DISP2: variants seen among roughly 807,000 people sequenced by gnomAD.
DISP2 encodes protein dispatched homolog 2.
Under a neutral mutation model 95.5 loss-of-function variants are expected in DISP2, and 59 were observed. The observed-to-expected ratio is 0.62, with a 90% CI of 0.50 to 0.77. The LOEUF (loss-of-function observed/expected upper bound fraction) is 0.77. Among genes scored for constraint, DISP2 ranks in the 30% least tolerant of loss-of-function variants. DISP2 has a pLI of 0.00. For synonymous variants in DISP2, 827 were observed against 815.0 expected (o/e 1.01, Z -0.25); for missense variants, 1,752 against 1,854.6 (o/e 0.94, Z 1.02).
At chr15:40,361,612 G>T (rs1415544489) in intron 1 of DISP2, among the ~76,000 whole-genome samples, 1 of 152,216 alleles carries the variant, frequency 6.6e-6, no homozygotes, top group Non-Finnish European at 1.5e-5. Context: ...TTCACCCTCA[G>T]CATGAAGGTC....
At position 40,377,152 on chromosome 15, in the gene DISP2, A is replaced by T. The variant is rs1410906759; in HGVS notation, c.*6834A>T. ...ATCCTGGCTAACATGGTGAAACCTC[A>T]TCTCTACTAAAAATACAAAAAAATA... On this transcript the variant is annotated 3_prime_UTR_variant, in exon 8 of 8. Coordinates refer to ENST00000267889, the MANE Select transcript of DISP2 (RefSeq NM_033510.3). 6.6e-6 allele frequency: 1 copy of T among 152,048 alleles called. No homozygotes were observed. The highest frequency in any genetic ancestry group is 1.5e-5 in the Non-Finnish European group (1 of 68,064). The allele number at this position is 152,048 out of a possible 1,614,324, so 9.4% of individuals were successfully genotyped here.
intron 7 of DISP2, 118 bp from the exon 8 acceptor site, chr15:40,366,940 A>G: frequency 5.2e-6 from 7 of 1,343,836 alleles, no homozygotes; most frequent in Non-Finnish European, 7.0e-6. Context: ...GGCTGTCAAG[A>G]TCCCTCTCTG....
intron 3 of DISP2, 39 bp from the exon 4 acceptor site, chr15:40,364,382 A>G (rs376884591): frequency 1.2e-6 from 2 of 1,613,418 alleles, no homozygotes; most frequent in Non-Finnish European, 1.7e-6. Flanking sequence ...ACCCGTTGCT[A>G]CCACACCCAA....
chr15:40,363,445 G>A (rs1013909539), intron 1 of DISP2, among the ~76,000 whole-genome samples, 180 bp from the exon 2 acceptor site: 2 of 152,178 alleles, frequency 1.3e-5, no homozygotes, highest in African/African-American at 4.8e-5. Flanking sequence ...CCATGAGGTA[G>A]GCTGAGGGCG....
rs1889341581 is a variant in DISP2, at chr15:40,358,244, T to TGCCGCCGCTGCCGCCGCCACC, written c.-70_-69insTGCCGCCGCCACCGCCGCCGC. ...ATGCGCACGAGCACCCCGCCGCCGCTGCCGCCGCCACCGCCGCCGCCGCCG... is the reference window on the plus strand; with the variant it reads ...ATGCGCACGAGCACCCCGCCGCCGCTGCCGCCGCTGCCGCCGCCACCGCCGCCGCCACCGCCGCCGCCGCCG... On this transcript the variant is annotated 5_prime_UTR_variant, in exon 1 of 8. Transcript: ENST00000267889. 2 of 764,076 alleles carry TGCCGCCGCTGCCGCCGCCACC rather than the reference T, an allele frequency of 2.6e-6. No homozygotes were observed. The highest frequency in any genetic ancestry group is 5.4e-5 in the South Asian group (1 of 18,610). The allele number at this position is 764,076 out of a possible 1,614,324, so 47.3% of individuals were successfully genotyped here. A position where few individuals can be genotyped will look rare whatever the true frequency, so the allele number is the denominator to read the frequency against.
At position 40,370,058 on chromosome 15, in the gene DISP2, T is replaced by C; in HGVS notation, c.3946T>C (p.Ser1316Pro). The C allele has an allele frequency of 1.2e-6, 2 of 1,613,988 alleles. No homozygotes were observed. The highest frequency in any genetic ancestry group is 1.7e-6 in the Non-Finnish European group (2 of 1,179,956). ...SARVPDSVGV[S>P]PDDLDDTGQP... is the part of the protein sequence containing the mutation. ...CCGTGTACCAGATTCCGTGGGTGTG[T>C]CCCCAGATGACCTGGATGACACTGG... Residue 1316 changes from serine (S) to proline (P), a missense_variant, in exon 8 of 8, where the codon TCC becomes CCC. Physicochemically the swap from Ser to Pro is moderately conservative, Grantham distance 74. This residue lies in a region of DISP2 where 347 missense variants were observed against 344.2 expected (regional missense o/e 1.01). Coordinates refer to ENST00000267889, the MANE Select transcript of DISP2 (RefSeq NM_033510.3).
At position 40,364,968 on chromosome 15, in the gene DISP2, T is replaced by A. The variant is rs777486372; in HGVS notation, c.719+15T>A. 6.2e-7 allele frequency: 1 copy of A among 1,613,136 alleles called. No homozygotes were observed. The highest frequency in any genetic ancestry group is 8.5e-7 in the Non-Finnish European group (1 of 1,179,476). ...GAGCTGAACAGGTAACAGGCTCTCA[T>A]CTTTTCACTGTGGGTGGCAGAGGGA... On this transcript the variant is annotated intron_variant, in intron 5 of 7. Coordinates refer to ENST00000267889, the MANE Select transcript of DISP2 (RefSeq NM_033510.3).
At chr15:40,364,329 C>G in intron 3 of DISP2, 74 bp downstream of exon 3, 3 of 1,613,754 alleles carry the variant, frequency 1.9e-6, no homozygotes, top group Non-Finnish European at 2.5e-6. Flanking sequence ...CCCGTGCTCT[C>G]TGCTCTATCT....
rs1406658942 is a variant in DISP2, at chr15:40,364,829, T to C, written c.604-9T>C. The C allele has an allele frequency of 1.9e-6, 3 of 1,613,058 alleles. No individual in the cohort carries two copies. In the African/African-American group the frequency reaches 4.0e-5, roughly 22 times the overall value. On this transcript the variant is annotated splice_polypyrimidine_tract_variant and intron_variant, in intron 4 of 7. Coordinates refer to ENST00000267889, the MANE Select transcript of DISP2 (RefSeq NM_033510.3). The stretch of plus-strand genomic sequence containing the variant: ...GCCCACCTGTTCTTCTCCACCCTCC[T>C]CCCTGCAGGGCTTTGAGCCACGGGA...
chr15:40,364,685 G>T, intron 4 of DISP2, 141 bp downstream of exon 4: 1 of 1,435,476 alleles, frequency 7.0e-7, no homozygotes, highest in East Asian at 2.4e-5. Context: ...GAGAGAGTTG[G>T]GGAGATGGTA....
chr15:40,365,848 T>C (rs1889490596), intron 7 of DISP2, 123 bp downstream of exon 7: 1 of 963,442 alleles, frequency 1.0e-6, no homozygotes, highest in Non-Finnish European at 1.6e-6. Flanking sequence ...CATTCCCTGC[T>C]TAGAAAATTA....
chr15:40,376,720 A>G lies in DISP2; in HGVS notation c.*6402A>G, dbSNP rs1290533192. On this transcript the variant is annotated 3_prime_UTR_variant, in exon 8 of 8. Transcript: ENST00000267889. ...CTCCAGAGGCTGAAGCAAGAGGATCACTTGAACTCTGGAGTTCGAGGTTAC... is the reference window on the plus strand; with the variant it reads ...CTCCAGAGGCTGAAGCAAGAGGATCGCTTGAACTCTGGAGTTCGAGGTTAC... The G allele has an allele frequency of 6.6e-6, 1 of 152,078 alleles. No homozygotes were observed. The highest frequency in any genetic ancestry group is 1.5e-5 in the Non-Finnish European group (1 of 68,006). The allele number at this position is 152,078 out of a possible 1,614,324, so 9.4% of individuals were successfully genotyped here. A position where few individuals can be genotyped will look rare whatever the true frequency, so the allele number is the denominator to read the frequency against.
rs780263622 is a variant in DISP2 at position 40,370,208 on chromosome 15, C to G, written c.4096C>G (p.Arg1366Gly). Reference sequence around the variant, plus strand: ...TCACAGCAGCTTGTCCTGGAAGGGCCGAGGGGGGCCAGGGGATGGCAGCCC... The same window carrying G: ...TCACAGCAGCTTGTCCTGGAAGGGCGGAGGGGGGCCAGGGGATGGCAGCCC... The part of the protein sequence containing the change: ...SHHSSLSWKG[R>G]GGPGDGSPVV... Residue 1366 changes from arginine to glycine, a missense_variant, in exon 8 of 8, where the codon CGA (arginine) becomes GGA (glycine). Arg to Gly is a moderately radical substitution (Grantham distance 125, BLOSUM62 -2). This residue lies in a region of DISP2 where 347 missense variants were observed against 344.2 expected (regional missense o/e 1.01). Coordinates refer to ENST00000267889, the MANE Select transcript of DISP2 (RefSeq NM_033510.3). The G allele has an allele frequency of 6.2e-7, 1 of 1,610,718 alleles. No homozygotes were observed. The highest frequency in any genetic ancestry group is 8.5e-7 in the Non-Finnish European group (1 of 1,178,780).
chr15:40,369,737 C>A lies in DISP2; in HGVS notation c.3625C>A (p.Pro1209Thr), dbSNP rs766443202. Reference protein sequence around the residue: ...HDGPCCSRPPPAPASPRELLL... With the variant: ...HDGPCCSRPPTAPASPRELLL... ...TGGTCCGTGCTGTTCCCGGCCCCCA[C>A]CAGCCCCTGCCTCCCCAAGGGAGCT... is the stretch of plus-strand genomic sequence containing the variant. Residue 1209 changes from proline to threonine, a missense_variant, in exon 8 of 8, where the codon CCA becomes ACA. This residue lies in a region of DISP2 where 347 missense variants were observed against 344.2 expected (regional missense o/e 1.01). Transcript: ENST00000267889. 1.4e-5 allele frequency: 22 copies of A among 1,609,386 alleles called. No homozygotes were observed. The highest frequency in any genetic ancestry group is 1.9e-5 in the Non-Finnish European group (22 of 1,179,266).
chr15:40,363,770 G>A lies in DISP2; in HGVS notation c.265G>A (p.Ala89Thr). Residue 89 changes from alanine (A) to threonine (T), a missense_variant, in exon 2 of 8, where the codon GCC becomes ACC. Coordinates refer to ENST00000267889, the MANE Select transcript of DISP2 (RefSeq NM_033510.3). ...LQPVGPSSPL[A>T]PAHFTYPRAL... ...GCCTGTGGGTCCATCCAGCCCCTTG[G>A]CCCCTGCCCACTTCACCTATCCCCG... 1.9e-6 allele frequency: 3 copies of A among 1,613,554 alleles called. No homozygotes were observed. The highest frequency in any genetic ancestry group is 2.5e-6 in the Non-Finnish European group (3 of 1,179,726).
Position 40,368,663 on chromosome 15 carries a change from G to A in DISP2, c.2551G>A (p.Ala851Thr). 1.9e-6 allele frequency: 3 copies of A among 1,611,024 alleles called. No individual in the cohort carries two copies. Among genetic ancestry groups the A allele is most frequent in the East Asian group, 2.2e-5 (1 of 44,874 alleles). ...LQRWMESPSC[A>T]RLGPDLCCGH... ...GCGCTGGATGGAGAGCCCCAGCTGC[G>A]CCCGCCTGGGGCCTGACCTCTGCTG... is the stretch of plus-strand genomic sequence containing the variant. The change falls in exon 8 of 8, where the codon GCC becomes ACC. Residue 851 changes from alanine to threonine, a missense_variant. This residue lies in a region of DISP2 where 317 missense variants were observed against 394.9 expected (regional missense o/e 0.80). Transcript: ENST00000267889.
In DISP2 at chr15:40,369,404, G is replaced by T; in HGVS notation, c.3292G>T (p.Val1098Phe). ...CATCATCCTCATGATGGTCAAATGC[G>T]TCAGTTGTGGCTTTGCCAGCTTCTT... is the stretch of plus-strand genomic sequence containing the variant. ...LGIILMMVKC[V>F]SCGFASFFFQ... The change falls in exon 8 of 8, where the codon GTC (valine) becomes TTC (phenylalanine). Residue 1098 changes from valine to phenylalanine, a missense_variant. Val to Phe is a conservative substitution (Grantham distance 50). Transcript: ENST00000267889. 6.2e-7 allele frequency: 1 copy of T among 1,613,630 alleles called. No individual in the cohort carries two copies. The highest frequency in any genetic ancestry group is 8.5e-7 in the Non-Finnish European group (1 of 1,180,030).
intron 5 of DISP2, 76 bp downstream of exon 5, chr15:40,365,029 C>T: frequency 6.3e-7 from 1 of 1,596,728 alleles, no homozygotes; most frequent in Non-Finnish European, 8.5e-7. Context: ...ATTGGGTGAC[C>T]CACCCCAAGG....
In DISP2 at chr15:40,374,905, G is replaced by T. The variant is rs150613647; in HGVS notation, c.*4587G>T. On this transcript the variant is annotated 3_prime_UTR_variant, in exon 8 of 8. Coordinates refer to ENST00000267889, the MANE Select transcript of DISP2 (RefSeq NM_033510.3). ...ATTACAGGTGTGAGCCACTACACCC[G>T]GCCCTGATCTTTTCTTTGACGGTGG... The T allele has an allele frequency of 6.6e-6, 1 of 152,090 alleles. No individual in the cohort carries two copies. The highest frequency in any genetic ancestry group is 2.4e-5 in the African/African-American group (1 of 41,398). The allele number at this position is 152,090 out of a possible 1,614,324, so 9.4% of individuals were successfully genotyped here.
Sources: allele counts gnomAD v4.1 joint callset (sites outside exome capture counted in the v4.1 genomes callset), GRCh38; gene constraint gnomAD v4.1.1; regional missense constraint gnomAD v4.1.1; transcripts MANE v1.5; gene names NCBI Gene and HGNC (gene_info 2026-07-23, HGNC 2026-07-21).